Variants in DYNC2H1 observed in about 807,000 individuals in gnomAD.
DYNC2H1 encodes cytoplasmic dynein 2 heavy chain 1.
Under a neutral mutation model 570.0 loss-of-function variants are expected in DYNC2H1, and 410 were observed. The observed-to-expected ratio is 0.72, with a 90% confidence interval of 0.66 to 0.78. The LOEUF (loss-of-function observed/expected upper bound fraction) is 0.78. Among genes scored for constraint, DYNC2H1 ranks in the 30% least tolerant of loss-of-function variants. The pLI, the probability that DYNC2H1 is intolerant of heterozygous loss-of-function variation, is 0.00. For missense variants in DYNC2H1, 4,865 were observed against 5,046.4 expected, an observed-to-expected ratio of 0.96 and a Z score of 1.09; for synonymous variants, 1,688 against 1,677.6, an observed-to-expected ratio of 1.01 and a Z score of -0.15.
intron 84 of DYNC2H1, among the ~76,000 whole-genome samples, chr11:103,412,343 T>C (rs1606668): frequency 6.6e-6 from 1 of 151,916 alleles, no homozygotes; most frequent in African/African-American, 2.4e-5. Flanking sequence ...AAAACTTTTT[T>C]AAATACACAA....
intron 84 of DYNC2H1, among the ~76,000 whole-genome samples, chr11:103,418,542 A>ATGTT (rs1943367294): frequency 6.6e-6 from 1 of 152,202 alleles, no homozygotes; most frequent in Non-Finnish European, 1.5e-5. Flanking sequence ...TAGTGTTAAA[A>ATGTT]TGTTAGTTCT....
chr11:103,288,631 G>A (rs1454502005), intron 75 of DYNC2H1, among the ~76,000 whole-genome samples: 3 of 138,160 alleles, frequency 2.2e-5, no homozygotes, highest in East Asian at 2.2e-4. Flanking sequence ...CAGATCACTC[G>A]AGGTCAGGAG....
rs1467430654 is a variant in DYNC2H1 at position 103,193,070 on chromosome 11, G to A, written c.7708+806G>A. On this transcript the variant is annotated intron_variant, in intron 47 of 88. Transcript: ENST00000375735. ...GATTTGATATTGGTCTGAGATCCAT[G>A]AGTACCTATCCTAAAGGGAACTTCG... Among the ~76,000 whole-genome samples, 9 of 152,302 alleles carry A rather than the reference G, an allele frequency of 5.9e-5. No individual in the cohort carries two copies. The South Asian group carries it at 1.4e-3, about 25-fold the overall frequency.
intron 39 of DYNC2H1, among the ~76,000 whole-genome samples, chr11:103,180,975 A>G (rs1008414980): frequency 2.6e-5 from 4 of 151,574 alleles, no homozygotes; most frequent in African/African-American, 9.7e-5. Flanking sequence ...GGAAAAAATG[A>G]CAAAAATCGT....
chr11:103,328,197 T>C (rs1234340830), intron 82 of DYNC2H1, among the ~76,000 whole-genome samples: 1 of 152,224 alleles, frequency 6.6e-6, no homozygotes, highest in Non-Finnish European at 1.5e-5. Context: ...CCTAAGGTTT[T>C]TTGGTTAACA....
At chr11:103,349,984 A>T (rs2671351) in intron 82 of DYNC2H1, among the ~76,000 whole-genome samples, 1 of 152,018 alleles carries the variant, frequency 6.6e-6, no homozygotes, top group East Asian at 1.9e-4. Flanking sequence ...AGAAAGATAA[A>T]CCACTGCATA....
chr11:103,353,527 T>G (rs2408591), intron 82 of DYNC2H1, among the ~76,000 whole-genome samples: 5,369 of 152,238 alleles, frequency 0.035, 310 homozygotes, highest in African/African-American at 0.12. Flanking sequence ...ATTAGGTTGG[T>G]GCAAAAGTAA....
At chr11:103,242,395 A>G (rs931697678) in intron 63 of DYNC2H1, among the ~76,000 whole-genome samples, 2 of 152,098 alleles carry the variant, frequency 1.3e-5, no homozygotes, top group Non-Finnish European at 2.9e-5. Flanking sequence ...TACTGTACTC[A>G]CCTATTTTTG....
chr11:103,200,957 G>A (rs1226451624), intron 50 of DYNC2H1, among the ~76,000 whole-genome samples: 2 of 152,060 alleles, frequency 1.3e-5, no homozygotes, highest in African/African-American at 4.8e-5. Context: ...CTCCTGAGTA[G>A]CTGGGATTAC....
intron 87 of DYNC2H1, among the ~76,000 whole-genome samples, chr11:103,464,529 A>C (rs773020105): frequency 5.9e-5 from 9 of 152,092 alleles, no homozygotes; most frequent in Non-Finnish European, 1.0e-4. Flanking sequence ...ACCAAAAATA[A>C]TAAACAAAAG....
Position 103,418,443 on chromosome 11 carries a change from T to C in DYNC2H1, c.12367-17500T>C, listed in dbSNP as rs534198420. On this transcript the variant is annotated intron_variant, in intron 84 of 88. Transcript: ENST00000375735. The stretch of plus-strand genomic sequence containing the variant: ...CATTACCTTTCTACACACTGAAAAC[T>C]ATAAAATGTTGACTAGTGAAATTGA... Among the ~76,000 whole-genome samples, 4 of 152,316 alleles carry C rather than the reference T, an allele frequency of 2.6e-5. No individual in the cohort carries two copies. In the South Asian group the frequency reaches 8.3e-4, roughly 32 times the overall value.
At chr11:103,125,365 GCT>G (rs1858938202) in intron 12 of DYNC2H1, 70 bp downstream of exon 12, 8 of 957,784 alleles carry the variant, frequency 8.4e-6, no homozygotes, top group South Asian at 7.0e-5. Context: ...TATGCTAAAG[GCT>G]TTTTTTTTTT....
rs558314457 is a variant in DYNC2H1, at chr11:103,241,804, G to A, written c.9820-1889G>A. On this transcript the variant is annotated intron_variant, in intron 63 of 88. Coordinates refer to ENST00000375735, the MANE Select transcript of DYNC2H1 (RefSeq NM_001377.3). The surrounding 1 kb of genome is among the most constrained non-coding windows in gnomAD (Gnocchi z 5.1). Reference sequence around the variant, plus strand: ...TACAGTGTAACGTGGCAGGAGGTATGATGGGAGTAGTCTACTGTGGGTGCA... The same window carrying A: ...TACAGTGTAACGTGGCAGGAGGTATAATGGGAGTAGTCTACTGTGGGTGCA... Among the ~76,000 whole-genome samples, 9 of 152,238 alleles carry A rather than the reference G, an allele frequency of 5.9e-5. No individual in the cohort carries two copies. Among genetic ancestry groups the A allele is most frequent in the African/African-American group, 2.2e-4 (9 of 41,556 alleles).
At chr11:103,327,404 G>A (rs1016219449) in intron 82 of DYNC2H1, among the ~76,000 whole-genome samples, 6 of 151,810 alleles carry the variant, frequency 4.0e-5, no homozygotes, top group African/African-American at 1.5e-4. Context: ...AGCAAATAAG[G>A]TTAATATAAT....
chr11:103,120,556 C>T lies in DYNC2H1; in HGVS notation c.1109C>T (p.Pro370Leu). Residue 370 changes from proline to leucine, a missense_variant, in exon 7 of 89, where the codon CCT (proline) becomes CTT (leucine). By Grantham distance (98) the Pro-to-Leu change is moderately conservative. This residue lies in a region of DYNC2H1 where 1,936 missense variants were observed against 1,962.1 expected (regional missense o/e 0.99). Coordinates refer to ENST00000375735, the MANE Select transcript of DYNC2H1 (RefSeq NM_001377.3). ...TTTGAACCTTTTACTGGCCTGAATC[C>T]TGTGCAATATAATCCATATACTGAG... ...RVFEPFTGLNPVQYNPYTEPL... is the reference protein window; with the variant it reads ...RVFEPFTGLNLVQYNPYTEPL... The T allele has an allele frequency of 6.2e-7, 1 of 1,612,864 alleles. No homozygotes were observed. The highest frequency in any genetic ancestry group is 8.5e-7 in the Non-Finnish European group (1 of 1,179,348).
intron 81 of DYNC2H1, 47 bp from the exon 82 acceptor site, chr11:103,323,839 C>A: frequency 2.2e-6 from 3 of 1,379,276 alleles, no homozygotes; most frequent in Admixed American, 1.9e-5. Flanking sequence ...ATTGTAAGTT[C>A]AATCTTTATT....
At position 103,189,521 on chromosome 11, in the gene DYNC2H1, T is replaced by C; in HGVS notation, c.7293-151T>C. On this transcript the variant is annotated intron_variant, in intron 44 of 88. Coordinates refer to ENST00000375735, the MANE Select transcript of DYNC2H1 (RefSeq NM_001377.3). The surrounding 1 kb of genome is among the most constrained non-coding windows in gnomAD (Gnocchi z 4.3). ...TTGAAATGAGAATGGATCGGGGCGA[T>C]GAGCCTAGTCTTAGCCCCCTGGGTA... 1.5e-6 allele frequency: 1 copy of C among 646,630 alleles called. No homozygotes were observed. Among genetic ancestry groups the C allele is most frequent in the Non-Finnish European group, 2.5e-6 (1 of 395,784 alleles). The allele number at this position is 646,630 out of a possible 1,614,324, so 40.1% of individuals were successfully genotyped here.
chr11:103,475,026 A>C (rs1945508895), intron 88 of DYNC2H1, among the ~76,000 whole-genome samples: 3 of 152,210 alleles, frequency 2.0e-5, no homozygotes, highest in Admixed American at 1.3e-4. Context: ...CACTTTAGGA[A>C]AGCAGAAAAA....
rs1307782769 is a variant in DYNC2H1 at position 103,446,863 on chromosome 11, T to G, written c.12457-8323T>G. Among the ~76,000 whole-genome samples, 1 of 152,104 alleles carries G rather than the reference T, an allele frequency of 6.6e-6. No individual in the cohort carries two copies. The highest frequency in any genetic ancestry group is 1.9e-4 in the East Asian group (1 of 5,198). On this transcript the variant is annotated intron_variant, in intron 85 of 88. Transcript: ENST00000375735. This position sits in a 1 kb window ranked among gnomAD's most constrained non-coding sequence, Gnocchi z 4.5. ...CTTGAACTATTCACAAAATAAGTTA[T>G]AGTTATAAATTATTATTAATAATTA...
Sources: allele counts gnomAD v4.1 joint callset (sites outside exome capture counted in the v4.1 genomes callset), GRCh38; gene constraint gnomAD v4.1.1; regional missense constraint gnomAD v4.1.1; non-coding constraint Gnocchi (gnomAD v3.1); transcripts MANE v1.5; gene names NCBI Gene and HGNC (gene_info 2026-07-23, HGNC 2026-07-21).